ANK2: variants seen among roughly 807,000 people sequenced by gnomAD.
ANK2 encodes the protein ankyrin 2.
Under a neutral mutation model 360.5 loss-of-function variants are expected in ANK2, and 83 were observed. The ratio of observed to expected loss-of-function variants is 0.23; its 90% CI spans 0.19 to 0.28. The LOEUF is 0.28. Among genes scored for constraint, ANK2 ranks in the 10% least tolerant of loss-of-function variants. ANK2 has a pLI of 1.00. For missense variants in ANK2, 4,201 were observed against 4,795.7 expected, an observed-to-expected ratio of 0.88 and a Z score of 3.66; for synonymous variants, 1,740 against 1,759.5, an observed-to-expected ratio of 0.99 and a Z score of 0.28.
At chr4:113,311,189 G>T in intron 23 of ANK2, 66 bp from the exon 24 acceptor site, 1 of 1,596,384 alleles carries the variant, frequency 6.3e-7, no homozygotes, top group South Asian at 1.1e-5. Flanking sequence ...TCACAATCAT[G>T]ACCATATGTT....
chr4:113,235,656 A>G (rs973165323), intron 5 of ANK2, among the ~76,000 whole-genome samples: 3 of 152,034 alleles, frequency 2.0e-5, no homozygotes, highest in Non-Finnish European at 4.4e-5. Context: ...GCTCATGTCG[A>G]ACTCCTGAAC....
intron 42 of ANK2, among the ~76,000 whole-genome samples, chr4:113,368,905 C>T (rs1173581933): frequency 6.6e-6 from 1 of 152,064 alleles, no homozygotes; most frequent in Non-Finnish European, 1.5e-5. Context: ...GCACTGAATA[C>T]CAAAAGAAGG....
chr4:113,125,622 C>G (rs988294872), intron 1 of ANK2, among the ~76,000 whole-genome samples: 4 of 152,130 alleles, frequency 2.6e-5, no homozygotes, highest in African/African-American at 9.7e-5. Context: ...GATCTGAGAT[C>G]TGTTAGAATT....
At chr4:112,764,342 A>ATT in the ANK2 span, among the ~76,000 whole-genome samples, 70 of 147,718 alleles carry the variant, frequency 4.7e-4, no homozygotes, top group Non-Finnish European at 9.5e-4. Context: ...TGCTCTCTGT[A>ATT]TTTTTTTTTT....
At chr4:113,332,166 C>CAAAAA in intron 28 of ANK2, 96 bp downstream of exon 28, 1 of 1,092,646 alleles carries the variant, frequency 9.2e-7, no homozygotes, top group Non-Finnish European at 1.4e-6. Context: ...GTGCCCATGA[C>CAAAAA]ATGTCCCTTT....
intron 2 of ANK2, among the ~76,000 whole-genome samples, chr4:113,042,254 C>G (rs114348067): frequency 6.6e-6 from 1 of 152,112 alleles, no homozygotes; most frequent in Non-Finnish European, 1.5e-5. Context: ...CTTCAGACTC[C>G]AGGGCTTACA....
intron 1 of ANK2, among the ~76,000 whole-genome samples, chr4:112,864,561 C>T (rs1052395865): frequency 6.6e-6 from 1 of 152,126 alleles, no homozygotes; most frequent in South Asian, 2.1e-4. Context: ...ATGCCCACCC[C>T]GGCCTCCCAA....
chr4:112,931,433 CTTTTT>C (rs59802557), intron 2 of ANK2, among the ~76,000 whole-genome samples: 2 of 85,266 alleles, frequency 2.3e-5, no homozygotes, highest in Non-Finnish European at 4.4e-5. Flanking sequence ...TCTTTCTTTT[CTTTTT>C]TTTTTTTTTT....
rs373679581 is a variant in ANK2 at position 112,985,268 on chromosome 4, G to A, written c.21+80754G>A. On this transcript the variant is annotated intron_variant, in intron 2 of 30. Coordinates refer to the ANK2 transcript ENST00000503271. The stretch of plus-strand genomic sequence containing the variant: ...AGTTGAGTGTGTCAGCAAACTTGTC[G>A]TGTTTGTTTTTCACAGGTAAAAGAT... Among the ~76,000 whole-genome samples the A allele has an allele frequency of 9.2e-5, 14 of 152,118 alleles. No individual in the cohort carries two copies. In the East Asian group the frequency reaches 1.4e-3, roughly 15 times the overall value.
At chr4:113,124,951 G>A (rs2154373942) in intron 1 of ANK2, among the ~76,000 whole-genome samples, 1 of 152,148 alleles carries the variant, frequency 6.6e-6, no homozygotes, top group South Asian at 2.1e-4. Context: ...GCAGCATAGA[G>A]AGATCCCCAT....
At chr4:112,860,195 C>A (rs887718726) in intron 1 of ANK2, among the ~76,000 whole-genome samples, 1 of 152,072 alleles carries the variant, frequency 6.6e-6, no homozygotes, top group Non-Finnish European at 1.5e-5. Context: ...TTTAATGGGA[C>A]CTAAGTTTTT....
upstream of ANK2, among the ~76,000 whole-genome samples, chr4:112,815,610 C>T (rs2055572921): frequency 6.6e-6 from 1 of 152,144 alleles, no homozygotes; most frequent in Non-Finnish European, 1.5e-5. Context: ...CCAGAGAAAC[C>T]AACCATGTGA....
chr4:113,196,496 T>C (rs758984321), intron 3 of ANK2, 30 bp downstream of exon 3: 4 of 1,574,710 alleles, frequency 2.5e-6, no homozygotes, highest in South Asian at 1.1e-5. Context: ...AACATTTTTT[T>C]CCTTAGAAAA....
At chr4:113,017,738 T>G (rs994245970) in intron 2 of ANK2, among the ~76,000 whole-genome samples, 14 of 152,224 alleles carry the variant, frequency 9.2e-5, no homozygotes, top group African/African-American at 3.1e-4. Flanking sequence ...AAGGTAAAAC[T>G]TCAGCTGCAG....
At chr4:112,716,784 A>G in the ANK2 span, among the ~76,000 whole-genome samples, 1 of 152,220 alleles carries the variant, frequency 6.6e-6, no homozygotes, top group East Asian at 1.9e-4. Flanking sequence ...TGAAGAAGTT[A>G]TACAAGAATG....
At chr4:112,748,035 A>G in the ANK2 span, among the ~76,000 whole-genome samples, 1 of 152,218 alleles carries the variant, frequency 6.6e-6, no homozygotes, top group Admixed American at 6.5e-5. Flanking sequence ...ATTGAGATGT[A>G]GTAAAAGCTG....
the ANK2 span, among the ~76,000 whole-genome samples, chr4:112,759,604 G>C: frequency 4.6e-5 from 7 of 152,234 alleles, no homozygotes; most frequent in East Asian, 5.8e-4. Context: ...TGAGAGGTAG[G>C]GGGGTGAGTA....
chr4:113,244,521 T>C (rs1316074449), intron 9 of ANK2, among the ~76,000 whole-genome samples: 3 of 152,166 alleles, frequency 2.0e-5, no homozygotes, highest in African/African-American at 7.2e-5. Context: ...AAATGTAGAA[T>C]TGGGAAGAGG....
In ANK2 at chr4:112,883,018, C is replaced by CTTTTTTT. The variant is rs536262490; in HGVS notation, c.-39-21405_-39-21399dup. Among the ~76,000 whole-genome samples, 20 of 30,534 alleles carry CTTTTTTT rather than the reference C, an allele frequency of 6.6e-4. 2 individuals are homozygous for CTTTTTTT. Among genetic ancestry groups the CTTTTTTT allele is most frequent in the Non-Finnish European group, 9.0e-4 (14 of 15,514 alleles). The allele number at this position is 30,534 out of a possible 152,430, so 20.0% of individuals were successfully genotyped here. A position where few individuals can be genotyped will look rare whatever the true frequency, so the allele number is the denominator to read the frequency against. On this transcript the variant is annotated intron_variant, in intron 1 of 30. Coordinates refer to the ANK2 transcript ENST00000503271. ...ACACTTTCTGGTTTACTTGGTTAGT[C>CTTTTTTT]TTTTTTTTTTTTTTTTTTTTTTTTT... is the stretch of plus-strand genomic sequence containing the variant.
Sources: gnomAD v4.1 joint callset for allele counts (sites outside exome capture counted in the v4.1 genomes callset) on GRCh38, gnomAD v4.1.1 for gene constraint, MANE v1.5 for transcripts, NCBI Gene and HGNC (gene_info 2026-07-23, HGNC 2026-07-21) for gene names.